Variants in OPCML observed in about 807,000 individuals in gnomAD.
The protein encoded by OPCML is opioid binding protein/cell adhesion molecule like.
A neutral mutation model predicts 37.8 loss-of-function variants in OPCML; 13 were observed. That is an observed-to-expected ratio of 0.34 (90% CI 0.22 to 0.55). The LOEUF is 0.55. Ranked by LOEUF, OPCML falls within the 20% of genes least tolerant of loss-of-function variation. The pLI is 0.91. For missense variants in OPCML, 341 were observed against 435.6 expected, an observed-to-expected ratio of 0.78 and a Z score of 1.93; for synonymous variants, 176 against 168.8, an observed-to-expected ratio of 1.04 and a Z score of -0.33.
chr11:133,517,371 A>G (rs774912771), intron 1 of OPCML, among the ~76,000 whole-genome samples: 13 of 152,262 alleles, frequency 8.5e-5, no homozygotes, highest in Non-Finnish European at 1.0e-4. Flanking sequence ...TGTAAAAACC[A>G]CAGGAGCTCA....
chr11:132,749,362 G>A (rs925054119), intron 2 of OPCML, among the ~76,000 whole-genome samples: 2 of 152,154 alleles, frequency 1.3e-5, no homozygotes, highest in Non-Finnish European at 2.9e-5. Flanking sequence ...AGGAATTTTG[G>A]CCTAAGCAAC....
chr11:132,847,047 G>C (rs1941571790), intron 2 of OPCML, among the ~76,000 whole-genome samples: 1 of 152,134 alleles, frequency 6.6e-6, no homozygotes, highest in Non-Finnish European at 1.5e-5. Flanking sequence ...GCTGTCTAAT[G>C]GGCAATAGAT....
intron 2 of OPCML, among the ~76,000 whole-genome samples, chr11:132,673,241 G>T (rs775808524): frequency 6.6e-6 from 1 of 152,124 alleles, no homozygotes; most frequent in Non-Finnish European, 1.5e-5. Flanking sequence ...ACGCATGGGT[G>T]AAGATCAGAG....
intron 1 of OPCML, among the ~76,000 whole-genome samples, chr11:133,029,003 C>T (rs914173498): frequency 1.1e-4 from 16 of 151,304 alleles, no homozygotes; most frequent in African/African-American, 3.9e-4. Context: ...ACAAGGAGTT[C>T]GAACAACTTA....
chr11:132,744,725 A>G (rs1945555246), intron 2 of OPCML, among the ~76,000 whole-genome samples: 1 of 152,252 alleles, frequency 6.6e-6, no homozygotes, highest in Admixed American at 6.5e-5. Flanking sequence ...AACCCAAGAC[A>G]ATATATAAGC....
chr11:133,097,275 T>C (rs1949016746), intron 1 of OPCML, among the ~76,000 whole-genome samples: 1 of 152,188 alleles, frequency 6.6e-6, no homozygotes, highest in Non-Finnish European at 1.5e-5. Context: ...TACTTGAAGA[T>C]TAAACAATCC....
chr11:133,278,328 A>AG (rs1158160351), intron 1 of OPCML, among the ~76,000 whole-genome samples: 5 of 152,056 alleles, frequency 3.3e-5, no homozygotes, highest in South Asian at 4.2e-4. Flanking sequence ...TTTCTTTTTT[A>AG]GGGGGGGTTA....
intron 1 of OPCML, among the ~76,000 whole-genome samples, chr11:133,460,898 C>T (rs546084042): frequency 2.6e-5 from 4 of 151,846 alleles, no homozygotes. Flanking sequence ...GAGATTTATT[C>T]CTTAAATGCA....
chr11:133,425,879 C>T (rs562540353), intron 1 of OPCML, among the ~76,000 whole-genome samples: 5 of 152,232 alleles, frequency 3.3e-5, no homozygotes, highest in African/African-American at 1.2e-4. Context: ...CTTACCTATG[C>T]ATTTCTTAAA....
At chr11:133,040,028 C>CAA (rs947331774) in intron 1 of OPCML, among the ~76,000 whole-genome samples, 1 of 142,526 alleles carries the variant, frequency 7.0e-6, no homozygotes, top group South Asian at 2.3e-4. Context: ...GACTCCATCT[C>CAA]AAAAAAAAAA....
rs572159603 is a variant in OPCML, at chr11:132,895,224, T to C, written c.146+47702A>G. Among the ~76,000 whole-genome samples the C allele has an allele frequency of 6.6e-5, 10 of 152,344 alleles. No homozygotes were observed. The South Asian group carries it at 2.1e-3, about 32-fold the overall frequency. On this transcript the variant is annotated intron_variant, in intron 2 of 7. Coordinates refer to ENST00000524381, the MANE Select transcript of OPCML (RefSeq NM_001012393.5). The stretch of plus-strand genomic sequence containing the variant: ...CATTTGGTACTTTTAATTCACCACT[T>C]ATAAGAGACAAGAAACTTGGTGACT...
rs150266475 is a variant in OPCML, at chr11:132,820,571, G to A, written c.146+122355C>T. 2.4e-4 allele frequency among the ~76,000 whole-genome samples: 36 copies of A among 152,194 alleles called. No homozygotes were observed. In the East Asian group the frequency reaches 6.8e-3, roughly 29 times the overall value. On this transcript the variant is annotated intron_variant, in intron 2 of 7. Transcript: ENST00000524381. ...ATTGTGAAGTGCTGCAAGCCCCTTG[G>A]CCTTACCCTCATTCAGGGAGAAGAT...
chr11:133,506,124 C>G (rs1174717944), intron 1 of OPCML, among the ~76,000 whole-genome samples: 5 of 152,140 alleles, frequency 3.3e-5, no homozygotes, highest in Non-Finnish European at 5.9e-5. Flanking sequence ...GCACCTGGAC[C>G]CACACATTCT....
intron 1 of OPCML, among the ~76,000 whole-genome samples, chr11:133,437,921 T>C (rs1047339131): frequency 1.6e-4 from 24 of 151,444 alleles, no homozygotes; most frequent in Admixed American, 7.9e-4. Context: ...AAATGAAGAG[T>C]TTTGAACCTG....
chr11:132,656,046 G>A (rs551123036), intron 3 of OPCML, among the ~76,000 whole-genome samples: 1 of 152,162 alleles, frequency 6.6e-6, no homozygotes, highest in South Asian at 2.1e-4. Flanking sequence ...AGCTCACTGT[G>A]TTTCCTCAAG....
intron 1 of OPCML, chr11:133,006,222 C>T (rs1947108777): frequency 1.4e-6 from 1 of 697,914 alleles, no homozygotes; most frequent in African/African-American, 1.9e-5. Flanking sequence ...CCCTCGTCTT[C>T]CTGCGTGGAA....
chr11:132,993,384 C>T (rs1946818393), intron 1 of OPCML, among the ~76,000 whole-genome samples: 1 of 152,158 alleles, frequency 6.6e-6, no homozygotes, highest in African/African-American at 2.4e-5. Flanking sequence ...ACCCTGCATC[C>T]TGTGTCCTTT....
At position 133,340,606 on chromosome 11, in the gene OPCML, C is replaced by CTG. The variant is rs1329882456; in HGVS notation, c.61+191657_61+191658insCA. On this transcript the variant is annotated intron_variant, in intron 1 of 7. Coordinates refer to ENST00000524381, the MANE Select transcript of OPCML (RefSeq NM_001012393.5). ...ACTCTAGCCCACAAATTAAGACTCT[C>CTG]TCTGTGTGTGTGTGTGTGTGTGTGT... Among the ~76,000 whole-genome samples, 250 of 109,302 alleles carry CTG rather than the reference C, an allele frequency of 2.3e-3. 1 individual carries two copies. The highest frequency in any genetic ancestry group is 7.6e-3 in the African/African-American group (192 of 25,206). 71.7% of individuals were successfully genotyped at this position (109,302 alleles called of 152,430 possible).
chr11:133,458,851 G>T (rs576817004), intron 1 of OPCML, among the ~76,000 whole-genome samples: 1 of 146,636 alleles, frequency 6.8e-6, no homozygotes. Context: ...ATAGATGCAC[G>T]TGTGTGTGTA....
Sources: allele counts gnomAD v4.1 joint callset (sites outside exome capture counted in the v4.1 genomes callset), GRCh38; gene constraint gnomAD v4.1.1; transcripts MANE v1.5; gene names NCBI Gene and HGNC (gene_info 2026-07-23, HGNC 2026-07-21).